ANKMY1: variants seen among roughly 807,000 people sequenced by gnomAD.
ANKMY1 encodes the protein ankyrin repeat and MYND domain containing 1.
A neutral mutation model predicts 102.0 loss-of-function variants in ANKMY1; 98 were observed. The observed-to-expected ratio is 0.96, with a 90% CI of 0.82 to 1.14. The LOEUF is 1.14. ANKMY1 is among the 50% of genes most tolerant of loss of function. The pLI, the probability that ANKMY1 is intolerant of heterozygous loss-of-function variation, is 0.00. For missense variants in ANKMY1, 1,330 were observed against 1,347.6 expected, an observed-to-expected ratio of 0.99 and a Z score of 0.20; for synonymous variants, 582 against 559.9, an observed-to-expected ratio of 1.04 and a Z score of -0.56.
chr2:240,470,081 C>A, the ANKMY1 span, among the ~76,000 whole-genome samples: 17 of 152,368 alleles, frequency 1.1e-4, no homozygotes, highest in East Asian at 1.3e-3. Context: ...CCCGTGGGTG[C>A]ACACACTGCT....
chr2:240,504,861 G>T (rs966890233), intron 13 of ANKMY1, among the ~76,000 whole-genome samples: 2 of 152,012 alleles, frequency 1.3e-5, no homozygotes, highest in Admixed American at 1.3e-4. Flanking sequence ...ACAAAAATTG[G>T]CTGGGTGTGG....
the ANKMY1 span, among the ~76,000 whole-genome samples, chr2:240,472,271 G>A: frequency 1.5e-5 from 2 of 130,560 alleles, no homozygotes; most frequent in Non-Finnish European, 3.5e-5. Context: ...ACGGCCGCAC[G>A]CGGGGAGGCA....
chr2:240,542,376 G>A (rs2089124091), intron 4 of ANKMY1, among the ~76,000 whole-genome samples: 1 of 150,472 alleles, frequency 6.6e-6, no homozygotes, highest in Admixed American at 6.6e-5. Context: ...GTGGTGGCAG[G>A]CGCCTGTAAT....
chr2:240,528,033 A>C (rs1455392010), intron 5 of ANKMY1, among the ~76,000 whole-genome samples: 1 of 152,230 alleles, frequency 6.6e-6, no homozygotes, highest in African/African-American at 2.4e-5. Context: ...TCACGCCTAT[A>C]ATCCCAAAAC....
intron 2 of ANKMY1, chr2:240,555,304 C>T (rs1278866994): frequency 7.5e-6 from 4 of 532,088 alleles, no homozygotes; most frequent in Non-Finnish European, 1.4e-5. Context: ...CTGCCAGGCT[C>T]TAGAGGCAGG....
chr2:240,558,406 G>A (rs1456506200), upstream of ANKMY1: 2 of 152,190 alleles, frequency 1.3e-5, no homozygotes, highest in African/African-American at 2.4e-5. Context: ...CGAGGCCTGC[G>A]GAGGGAACGA....
chr2:240,520,132 C>T lies in ANKMY1; in HGVS notation c.2004+230G>A, dbSNP rs1024681299. The T allele has an allele frequency of 5.3e-6, 4 of 752,230 alleles. No individual in the cohort carries two copies. Among genetic ancestry groups the T allele is most frequent in the African/African-American group, 1.7e-5 (1 of 57,910 alleles). 46.6% of individuals were successfully genotyped at this position (752,230 alleles called of 1,614,324 possible). A position where few individuals can be genotyped will look rare whatever the true frequency, so the allele number is the denominator to read the frequency against. On this transcript the variant is annotated intron_variant, in intron 9 of 17. Transcript: ENST00000401804. The surrounding 1 kb of genome is among the most constrained non-coding windows in gnomAD (Gnocchi z 4.8). ...ACACTGGGAAAAAAATCACACGGAT[C>T]GTGAAGTACTCTAAAAACTAGCTCG... is the stretch of plus-strand genomic sequence containing the variant.
rs1418323977 is a variant in ANKMY1, at chr2:240,520,984, CACAA to C, written c.1833-455_1833-452del. On this transcript the variant is annotated intron_variant, in intron 8 of 17. Transcript: ENST00000401804. The surrounding 1 kb of genome is among the most constrained non-coding windows in gnomAD (Gnocchi z 4.8). ...ACACACACCACTCACACCACAAAGA[CACAA>C]ACACACAGGCGCACACACACCTCTG... is the stretch of plus-strand genomic sequence containing the variant. Among the ~76,000 whole-genome samples, 21 of 152,040 alleles carry C rather than the reference CACAA, an allele frequency of 1.4e-4. No individual in the cohort carries two copies. The highest frequency in any genetic ancestry group is 4.6e-4 in the African/African-American group (19 of 41,494).
intron 4 of ANKMY1, among the ~76,000 whole-genome samples, chr2:240,539,226 G>A (rs977745788): frequency 4.6e-5 from 7 of 152,240 alleles, no homozygotes; most frequent in African/African-American, 1.2e-4. Context: ...AACACTCACC[G>A]CAAAGGTCTG....
intron 15 of ANKMY1, among the ~76,000 whole-genome samples, chr2:240,483,156 C>T (rs1229968695): frequency 1.3e-5 from 2 of 151,740 alleles, no homozygotes; most frequent in Non-Finnish European, 2.9e-5. Flanking sequence ...TTTGTATCAT[C>T]GAATTTTTTT....
chr2:240,519,614 G>GT (rs2081795231), intron 9 of ANKMY1: 1 of 153,222 alleles, frequency 6.5e-6, no homozygotes, highest in Non-Finnish European at 1.5e-5. Context: ...CAGCTGTGCT[G>GT]TGGGAAGGGC....
chr2:240,550,658 T>C (rs1324449165), intron 4 of ANKMY1, among the ~76,000 whole-genome samples: 3 of 152,204 alleles, frequency 2.0e-5, no homozygotes, highest in East Asian at 1.9e-4. Context: ...ACCGGAAGCA[T>C]TGTAAATTGT....
At chr2:240,489,826 A>C (rs1258074468) in intron 15 of ANKMY1, among the ~76,000 whole-genome samples, 2 of 152,200 alleles carry the variant, frequency 1.3e-5, no homozygotes, top group African/African-American at 4.8e-5. Context: ...GAATGGTTTC[A>C]GGAGGATTGG....
At chr2:240,512,991 G>C in intron 9 of ANKMY1, 49 bp from the exon 10 acceptor site, 2 of 1,583,012 alleles carry the variant, frequency 1.3e-6, no homozygotes, top group Non-Finnish European at 1.7e-6. Flanking sequence ...CTCGTAGGGA[G>C]AGACAGGTGA....
intron 15 of ANKMY1, among the ~76,000 whole-genome samples, chr2:240,487,572 A>C (rs989833812): frequency 2.0e-5 from 3 of 152,092 alleles, no homozygotes; most frequent in African/African-American, 7.2e-5. Flanking sequence ...TGCCTGTACT[A>C]GTTTACATTC....
At chr2:240,527,038 T>A in intron 5 of ANKMY1, 1 of 989,268 alleles carries the variant, frequency 1.0e-6, no homozygotes, top group Non-Finnish European at 1.2e-6. Flanking sequence ...GATGGATGGT[T>A]GGGTAGGTGG....
intron 8 of ANKMY1, chr2:240,523,607 C>G (rs2082742285): frequency 1.9e-6 from 1 of 519,132 alleles, no homozygotes; most frequent in African/African-American, 1.9e-5. Flanking sequence ...CAGGCCAGTG[C>G]CAAAGGCCAA....
At chr2:240,542,719 T>C (rs1219638849) in intron 4 of ANKMY1, among the ~76,000 whole-genome samples, 1 of 83,736 alleles carries the variant, frequency 1.2e-5, no homozygotes, top group Non-Finnish European at 2.8e-5. Context: ...TATGTTTATA[T>C]CTATATATAT....
At chr2:240,474,979 A>C (rs1157586314), downstream of ANKMY1, among the ~76,000 whole-genome samples, 4 of 152,234 alleles carry the variant, frequency 2.6e-5, no homozygotes, top group African/African-American at 9.6e-5. Context: ...CTCTGTTTTT[A>C]GCTCTTTGAG....
Sources: allele counts gnomAD v4.1 joint callset (sites outside exome capture counted in the v4.1 genomes callset), GRCh38; gene constraint gnomAD v4.1.1; non-coding constraint Gnocchi (gnomAD v3.1); transcripts MANE v1.5; gene names NCBI Gene and HGNC (gene_info 2026-07-23, HGNC 2026-07-21).